NUMA1: variants seen among roughly 807,000 people sequenced by gnomAD.
NUMA1 encodes the protein nuclear mitotic apparatus protein 1, also known as SP-H antigen.
NUMA1 carries 62 observed loss-of-function variants against 237.1 expected under a neutral mutation model. The observed-to-expected ratio is 0.26, with a 90% CI of 0.21 to 0.32. The LOEUF is 0.32. Among genes scored for constraint, NUMA1 ranks in the 10% least tolerant of loss-of-function variants. The probability of loss-of-function intolerance (pLI) is 1.00; values close to 1 mark genes in which losing one functional copy is unlikely to be tolerated. For synonymous variants in NUMA1, 1,028 were observed against 1,066.1 expected, an observed-to-expected ratio of 0.96 and a Z score of 0.70; for missense variants, 2,533 against 2,666.5, an observed-to-expected ratio of 0.95 and a Z score of 1.10.
chr11:72,003,879 G>T lies in NUMA1; in HGVS notation c.6336+8C>A, dbSNP rs1425175686. On this transcript the variant is annotated splice_region_variant and intron_variant, in intron 26 of 26. Transcript: ENST00000393695. Reference sequence around the variant, plus strand: ...GGTTTCCCTCCCCCATCCTGCCAGTGCCTCTACCTTGCCCTTGGCTCGAGG... The same window carrying T: ...GGTTTCCCTCCCCCATCCTGCCAGTTCCTCTACCTTGCCCTTGGCTCGAGG... 2.5e-6 allele frequency: 4 copies of T among 1,613,136 alleles called. No individual in the cohort carries two copies. The highest frequency in any genetic ancestry group is 1.7e-5 in the Admixed American group (1 of 59,954).
rs1213612152 is a variant in NUMA1, at chr11:72,002,976, G to A, written c.*551C>T. ...AATCCCACCCCAGTGCAAGTCTGGG[G>A]AAGGTAGGGTGTGAGCTGCTGCTGA... On this transcript the variant is annotated 3_prime_UTR_variant, in exon 27 of 27. Transcript: ENST00000393695. 1.3e-5 allele frequency: 3 copies of A among 234,012 alleles called. No individual in the cohort carries two copies. Among genetic ancestry groups the A allele is most frequent in the Middle Eastern group, 2.5e-3 (2 of 806 alleles). 14.5% of individuals were successfully genotyped at this position (234,012 alleles called of 1,614,324 possible).
At chr11:72,067,912 A>C (rs1017693903) in intron 2 of NUMA1, 2 of 152,234 alleles carry the variant, frequency 1.3e-5, no homozygotes, top group Admixed American at 6.5e-5. Flanking sequence ...AGGGCACTAC[A>C]ATATAATCAG....
chr11:72,047,590 C>G (rs935074921), intron 2 of NUMA1, among the ~76,000 whole-genome samples: 19 of 152,142 alleles, frequency 1.2e-4, no homozygotes, highest in Non-Finnish European at 5.9e-5. Context: ...GCACTCAAGG[C>G]CCTCCATGAC....
intron 22 of NUMA1, chr11:72,005,821 C>T (rs1336915494): frequency 3.3e-5 from 19 of 575,892 alleles, no homozygotes; most frequent in South Asian, 3.2e-4. Flanking sequence ...GAATCCCGGG[C>T]CCTTAACTCT....
chr11:72,004,519 GGAGAGAGGGAAA>G lies in NUMA1; in HGVS notation c.6006+109_6006+120del. 3 of 1,268,536 alleles carry G rather than the reference GGAGAGAGGGAAA, an allele frequency of 2.4e-6. 1 individual carries two copies. The Admixed American group carries it at 6.8e-5, about 29-fold the overall frequency. The allele number at this position is 1,268,536 out of a possible 1,614,324, so 78.6% of individuals were successfully genotyped here. On this transcript the variant is annotated intron_variant, in intron 24 of 26. Coordinates refer to ENST00000393695, the MANE Select transcript of NUMA1 (RefSeq NM_006185.4). Reference sequence around the variant, plus strand: ...GTTCCCATCCATGGGTCAGGCCCTTGGAGAGAGGGAAAGAGAGGGGGAAGTGAGGGAAGGAGA... The same window carrying G: ...GTTCCCATCCATGGGTCAGGCCCTTGGAGAGGGGGAAGTGAGGGAAGGAGA...
intron 2 of NUMA1, among the ~76,000 whole-genome samples, chr11:72,062,927 G>T (rs1337479399): frequency 2.0e-5 from 3 of 151,822 alleles, no homozygotes; most frequent in Non-Finnish European, 4.4e-5. Context: ...AAATTAGCTG[G>T]GCGTGGTGGC....
chr11:72,006,591 AG>A (rs1466080312), intron 21 of NUMA1, among the ~76,000 whole-genome samples: 1 of 152,218 alleles, frequency 6.6e-6, no homozygotes, highest in African/African-American at 2.4e-5. Context: ...TCACACTGCT[AG>A]GAAGTATCAG....
chr11:72,012,602 G>T (rs1429831463), intron 15 of NUMA1, among the ~76,000 whole-genome samples, 160 bp from the exon 16 acceptor site: 4 of 152,206 alleles, frequency 2.6e-5, no homozygotes, highest in African/African-American at 9.7e-5. Context: ...CTAATCCCCA[G>T]TGGCTCCTGA....
intron 17 of NUMA1, among the ~76,000 whole-genome samples, chr11:72,010,116 T>TG (rs1019347442): frequency 5.2e-4 from 79 of 152,318 alleles, no homozygotes; most frequent in African/African-American, 1.7e-3. Flanking sequence ...AATCAAGACA[T>TG]GCTGTGGCAC....
rs567304918 is a variant in NUMA1, at chr11:72,006,152, G to A, written c.5575C>T (p.Arg1859Cys). ...RATSSTQSLA[R>C]LGSPDYGNSA... is the part of the protein sequence containing the mutation. ...TTGCCATAATCGGGAGAACCCAGGC[G>A]AGCTAGAGACTGAGTAGAGGAGGTG... Residue 1859 changes from arginine (R) to cysteine (C), a missense_variant, in exon 22 of 27, where the codon CGC becomes TGC. Physicochemically the swap from Arg to Cys is radical, Grantham distance 180. Transcript: ENST00000393695. 2.5e-5 allele frequency: 40 copies of A among 1,614,188 alleles called. No homozygotes were observed. The Middle Eastern group carries it at 4.9e-4, about 20-fold the overall frequency.
intron 21 of NUMA1, among the ~76,000 whole-genome samples, 157 bp from the exon 22 acceptor site, chr11:72,006,420 TGTC>T (rs1306663276): frequency 6.6e-6 from 1 of 152,226 alleles, no homozygotes; most frequent in Non-Finnish European, 1.5e-5. Context: ...AAATGGGCCT[TGTC>T]GACAGAAGCC....
chr11:72,051,969 G>A (rs539683565), intron 2 of NUMA1, among the ~76,000 whole-genome samples: 2 of 152,296 alleles, frequency 1.3e-5, no homozygotes, highest in South Asian at 4.2e-4. Context: ...CTGGGCAGGA[G>A]AATGGTATAC....
intron 2 of NUMA1, among the ~76,000 whole-genome samples, chr11:72,042,932 AGG>A (rs1941775533): frequency 6.6e-6 from 1 of 151,776 alleles, no homozygotes. Context: ...GGGGCAACAT[AGG>A]GAGATCCCAT....
chr11:72,069,165 C>T (rs192591690), intron 2 of NUMA1, among the ~76,000 whole-genome samples: 4 of 152,342 alleles, frequency 2.6e-5, no homozygotes, highest in Admixed American at 2.6e-4. Flanking sequence ...TGTACAATAT[C>T]TGTCACATTT....
At chr11:72,076,839 T>C (rs3018292) in intron 1 of NUMA1, 1 of 151,714 alleles carries the variant, frequency 6.6e-6, no homozygotes, top group African/African-American at 2.4e-5. Context: ...CTCTGTATCT[T>C]GATTATGGCT....
At chr11:72,051,294 T>A (rs561671107) in intron 2 of NUMA1, among the ~76,000 whole-genome samples, 1 of 152,164 alleles carries the variant, frequency 6.6e-6, no homozygotes, top group East Asian at 1.9e-4. Flanking sequence ...CACAAGCAAT[T>A]TTCCTACTAA....
intron 2 of NUMA1, among the ~76,000 whole-genome samples, chr11:72,056,655 A>AAAAAAG (rs1942668903): frequency 7.7e-6 from 1 of 129,070 alleles, no homozygotes; most frequent in Non-Finnish European, 1.7e-5. Context: ...AAAAAAAAAA[A>AAAAAAG]AAAAAGGCAA....
intron 3 of NUMA1, among the ~76,000 whole-genome samples, 158 bp from the exon 4 acceptor site, chr11:72,029,448 C>A (rs1018723014): frequency 2.6e-5 from 4 of 152,232 alleles, no homozygotes; most frequent in African/African-American, 9.6e-5. Flanking sequence ...TGCCGTTGCA[C>A]TCACTCATCC....
chr11:72,063,654 A>C (rs1943063741), intron 2 of NUMA1, among the ~76,000 whole-genome samples: 2 of 148,950 alleles, frequency 1.3e-5, no homozygotes. Flanking sequence ...CAATGGTTGA[A>C]GCCTGTCATC....
Sources: allele counts gnomAD v4.1 joint callset (sites outside exome capture counted in the v4.1 genomes callset), GRCh38; gene constraint gnomAD v4.1.1; transcripts MANE v1.5; gene names NCBI Gene and HGNC (gene_info 2026-07-23, HGNC 2026-07-21).